The following PRKAG2 variants were observed in gnomAD, a reference collection of about 807,000 sequenced individuals.
The protein encoded by PRKAG2 is protein kinase AMP-activated non-catalytic subunit gamma 2, also known as 5'-AMP-activated protein kinase subunit gamma-2.
PRKAG2 carries 26 observed loss-of-function variants against 69.6 expected under a neutral mutation model. That is an observed-to-expected ratio of 0.37 (90% CI 0.27 to 0.52). PRKAG2 has a LOEUF of 0.52. Ranked by LOEUF, PRKAG2 falls within the 20% of genes least tolerant of loss-of-function variation. The probability of loss-of-function intolerance (pLI) is 0.90; values close to 1 mark genes in which losing one functional copy is unlikely to be tolerated. For missense variants in PRKAG2, 557 were observed against 740.0 expected (o/e 0.75, Z 2.87); for synonymous variants, 293 against 285.0 (o/e 1.03, Z -0.28).
chr7:151,856,527 C>T (rs776577689), intron 1 of PRKAG2, among the ~76,000 whole-genome samples: 1 of 152,218 alleles, frequency 6.6e-6, no homozygotes, highest in Non-Finnish European at 1.5e-5. Flanking sequence ...GTTCAATTGG[C>T]CTCGCCGTGG....
intron 7 of PRKAG2, 157 bp downstream of exon 7, chr7:151,576,214 T>C: frequency 1.3e-6 from 1 of 782,306 alleles, no homozygotes; most frequent in Non-Finnish European, 2.1e-6. Flanking sequence ...GTGCTGAGAT[T>C]ACGGGCATGG....
chr7:151,623,633 T>A (rs907843288), intron 5 of PRKAG2, among the ~76,000 whole-genome samples: 8 of 152,080 alleles, frequency 5.3e-5, no homozygotes, highest in Non-Finnish European at 1.2e-4. Flanking sequence ...CCACATATAA[T>A]CCTCCTGGCT....
chr7:151,702,728 C>A (rs990576343), intron 3 of PRKAG2, among the ~76,000 whole-genome samples: 1 of 152,210 alleles, frequency 6.6e-6, no homozygotes, highest in African/African-American at 2.4e-5. Context: ...AAGACTCTAG[C>A]ATGAATTAAT....
At chr7:151,819,328 T>G (rs2078716515) in intron 1 of PRKAG2, among the ~76,000 whole-genome samples, 1 of 152,226 alleles carries the variant, frequency 6.6e-6, no homozygotes, top group African/African-American at 2.4e-5. Context: ...ACCTGCCGCC[T>G]AAAATCGCCT....
chr7:151,714,942 T>C (rs1795920736), intron 3 of PRKAG2, among the ~76,000 whole-genome samples: 1 of 150,488 alleles, frequency 6.6e-6, no homozygotes, highest in Non-Finnish European at 1.5e-5. Context: ...AGAGCGAGAC[T>C]CCATCTCAAA....
At chr7:151,660,568 C>A (rs1830166622) in intron 4 of PRKAG2, among the ~76,000 whole-genome samples, 1 of 152,124 alleles carries the variant, frequency 6.6e-6, no homozygotes, top group Admixed American at 6.5e-5. Context: ...TTGTATAAAG[C>A]AATACTTATA....
intron 3 of PRKAG2, among the ~76,000 whole-genome samples, chr7:151,778,906 T>C (rs1176218622): frequency 6.6e-6 from 1 of 152,198 alleles, no homozygotes; most frequent in East Asian, 1.9e-4. Flanking sequence ...AAGGTATATA[T>C]GTGTGTACAC....
At chr7:151,631,703 A>T (rs1563303416) in intron 5 of PRKAG2, 1 of 459,694 alleles carries the variant, frequency 2.2e-6, no homozygotes, top group Non-Finnish European at 4.4e-6. Context: ...GACTGTGGGT[A>T]TGATTCGGGG....
chr7:151,638,837 G>C lies in PRKAG2; in HGVS notation c.685-6699C>G, dbSNP rs551458089. Among the ~76,000 whole-genome samples, 1 of 152,258 alleles carries C rather than the reference G, an allele frequency of 6.6e-6. No homozygotes were observed. The highest frequency in any genetic ancestry group is 1.9e-4 in the East Asian group (1 of 5,186). ...TTAAAAGAAGTCTTAAATAGCTCCT[G>C]CAAGAAATAAATCAACCTCAAATAC... is the stretch of plus-strand genomic sequence containing the variant. On this transcript the variant is annotated intron_variant, in intron 4 of 15. Transcript: ENST00000287878. This position sits in a 1 kb window ranked among gnomAD's most constrained non-coding sequence, Gnocchi z 4.3.
At chr7:151,735,877 C>T (rs1207125949) in intron 3 of PRKAG2, 11 of 1,536,144 alleles carry the variant, frequency 7.2e-6, no homozygotes, top group South Asian at 2.4e-5. Flanking sequence ...CCACCAGGGG[C>T]TCGGGAATGG....
chr7:151,616,717 G>C (rs371233840), intron 5 of PRKAG2, among the ~76,000 whole-genome samples: 1 of 152,244 alleles, frequency 6.6e-6, no homozygotes, highest in African/African-American at 2.4e-5. Flanking sequence ...AGCCAGAGGA[G>C]CCTTCACGGC....
At chr7:151,613,098 C>A (rs1039592190) in intron 5 of PRKAG2, among the ~76,000 whole-genome samples, 4 of 152,158 alleles carry the variant, frequency 2.6e-5, no homozygotes, top group African/African-American at 9.7e-5. Context: ...GACCTGGGGG[C>A]AAACAGGAGC....
chr7:151,729,759 C>T (rs1344758191), intron 3 of PRKAG2, among the ~76,000 whole-genome samples: 1 of 152,136 alleles, frequency 6.6e-6, no homozygotes, highest in Non-Finnish European at 1.5e-5. Flanking sequence ...ACACCGCAGG[C>T]TCCCTTCTGG....
chr7:151,752,716 G>A (rs1273710250), intron 3 of PRKAG2, among the ~76,000 whole-genome samples: 1 of 152,194 alleles, frequency 6.6e-6, no homozygotes, highest in African/African-American at 2.4e-5. Context: ...TAGAATTCAT[G>A]ATAAATTTAG....
At chr7:151,675,272 C>A (rs1832727409) in intron 4 of PRKAG2, 148 bp downstream of exon 4, 3 of 834,758 alleles carry the variant, frequency 3.6e-6, no homozygotes, top group African/African-American at 1.7e-5. Flanking sequence ...TCTCCCTCAG[C>A]CTGTGATTTA....
chr7:151,688,856 A>G (rs568604167), intron 3 of PRKAG2, among the ~76,000 whole-genome samples: 1 of 152,224 alleles, frequency 6.6e-6, no homozygotes, highest in African/African-American at 2.4e-5. Context: ...CCCAAAAGTC[A>G]GGTTTTAGGA....
chr7:151,693,055 G>C (rs145193270), intron 3 of PRKAG2, among the ~76,000 whole-genome samples: 8 of 152,334 alleles, frequency 5.3e-5, no homozygotes, highest in African/African-American at 1.7e-4. Flanking sequence ...GCTGGGAGCA[G>C]AAAGGGAGAT....
chr7:151,738,931 C>G (rs1435789269), intron 3 of PRKAG2, among the ~76,000 whole-genome samples: 1 of 152,194 alleles, frequency 6.6e-6, no homozygotes, highest in Admixed American at 6.5e-5. Context: ...GCTAGGGCAA[C>G]AGGAAGGAGG....
chr7:151,572,355 G>A, intron 9 of PRKAG2: 2 of 233,886 alleles, frequency 8.6e-6, no homozygotes, highest in Non-Finnish European at 1.7e-5. Context: ...ACTTAGTAGT[G>A]AGCGGTGGCC....
Sources: allele counts gnomAD v4.1 joint callset (sites outside exome capture counted in the v4.1 genomes callset), GRCh38; gene constraint gnomAD v4.1.1; non-coding constraint Gnocchi (gnomAD v3.1); transcripts MANE v1.5; gene names NCBI Gene and HGNC (gene_info 2026-07-23, HGNC 2026-07-21).